DPYD: variants seen among roughly 807,000 people sequenced by gnomAD.
The protein encoded by DPYD is dihydropyrimidine dehydrogenase.
A neutral mutation model predicts 116.2 loss-of-function variants in DPYD; 109 were observed. The ratio of observed to expected loss-of-function variants is 0.94; its 90% confidence interval spans 0.80 to 1.10. The LOEUF is 1.10. DPYD is among the 50% of genes least tolerant of loss of function. The pLI, the probability that DPYD is intolerant of heterozygous loss-of-function variation, is 0.00. For synonymous variants in DPYD, 440 were observed against 432.0 expected (o/e 1.02, Z -0.23); for missense variants, 1,302 against 1,254.5 (o/e 1.04, Z -0.57).
At chr1:97,345,236 A>G (rs770423705) in intron 16 of DPYD, among the ~76,000 whole-genome samples, 18 of 151,886 alleles carry the variant, frequency 1.2e-4, no homozygotes, top group Non-Finnish European at 2.1e-4. Flanking sequence ...GTGCATTATC[A>G]TTTTAAAAAA....
At position 97,564,198 on chromosome 1, in the gene DPYD, T is replaced by C. The variant is rs1180710648; in HGVS notation, c.1339+9562A>G. 3.3e-5 allele frequency among the ~76,000 whole-genome samples: 5 copies of C among 152,178 alleles called. No individual in the cohort carries two copies. In the East Asian group the frequency reaches 5.8e-4, roughly 18 times the overall value. On this transcript the variant is annotated intron_variant, in intron 11 of 22. Transcript: ENST00000370192. ...CAACATGGCAGCACATGAGGAATCATGTGTGTTATTAAAAAGCGAACAGGT... is the reference window on the plus strand; with the variant it reads ...CAACATGGCAGCACATGAGGAATCACGTGTGTTATTAAAAAGCGAACAGGT...
chr1:97,100,267 G>A (rs1483578616), intron 20 of DPYD, among the ~76,000 whole-genome samples: 1 of 151,822 alleles, frequency 6.6e-6, no homozygotes, highest in African/African-American at 2.4e-5. Flanking sequence ...CTTTTTCTTG[G>A]GGCATATGAG....
intron 1 of DPYD, among the ~76,000 whole-genome samples, chr1:97,900,103 T>G (rs1410338118): frequency 6.6e-6 from 1 of 151,908 alleles, no homozygotes; most frequent in Non-Finnish European, 1.5e-5. Context: ...AGTGTGTATC[T>G]TTTAAGGAGT....
chr1:97,855,133 C>T (rs945368065), intron 2 of DPYD: 1 of 152,258 alleles, frequency 6.6e-6, no homozygotes, highest in Non-Finnish European at 1.5e-5. Flanking sequence ...CATTGCCAGG[C>T]ACTTGTTCGG....
chr1:97,509,678 T>C (rs1647628580), intron 13 of DPYD, among the ~76,000 whole-genome samples: 1 of 151,960 alleles, frequency 6.6e-6, no homozygotes, highest in South Asian at 2.1e-4. Flanking sequence ...CTATTCTTTA[T>C]ATTTGTTCTC....
chr1:97,418,442 A>G (rs1674400125), intron 14 of DPYD, among the ~76,000 whole-genome samples: 1 of 151,984 alleles, frequency 6.6e-6, no homozygotes, highest in South Asian at 2.1e-4. Flanking sequence ...CTAGGATTAC[A>G]GGTGCCTGCC....
At chr1:97,881,610 A>G (rs1280438294) in intron 2 of DPYD, among the ~76,000 whole-genome samples, 1 of 152,068 alleles carries the variant, frequency 6.6e-6, no homozygotes, top group African/African-American at 2.4e-5. Context: ...AATTTATAGG[A>G]TCACATTATG....
At chr1:97,244,828 G>A (rs1429079762) in intron 18 of DPYD, among the ~76,000 whole-genome samples, 1 of 151,986 alleles carries the variant, frequency 6.6e-6, no homozygotes, top group Non-Finnish European at 1.5e-5. Flanking sequence ...ACGCACAAAT[G>A]GTTTTACATC....
chr1:97,399,226 TTG>T (rs1673204290), intron 14 of DPYD, among the ~76,000 whole-genome samples: 1 of 152,232 alleles, frequency 6.6e-6, no homozygotes, highest in African/African-American at 2.4e-5. Context: ...TTGCTTGTTT[TTG>T]TCAGGTTTGT....
chr1:97,324,183 C>T (rs547494121), intron 16 of DPYD, among the ~76,000 whole-genome samples: 3 of 152,092 alleles, frequency 2.0e-5, no homozygotes, highest in Non-Finnish European at 4.4e-5. Flanking sequence ...CCTGCTGTTC[C>T]TGCCTTCTTT....
intron 20 of DPYD, among the ~76,000 whole-genome samples, chr1:97,134,483 G>A (rs12047910): frequency 0.12 from 18,641 of 152,070 alleles, 1,318 homozygotes; most frequent in East Asian, 0.23. Context: ...TTCCTCATAC[G>A]TGACAGGATG....
At chr1:97,147,595 C>T (rs1187210830) in intron 20 of DPYD, among the ~76,000 whole-genome samples, 2 of 152,234 alleles carry the variant, frequency 1.3e-5, no homozygotes, top group East Asian at 3.9e-4. Context: ...AAGAGTGGTC[C>T]TAAAAGCCTA....
At position 97,609,371 on chromosome 1, in the gene DPYD, A is replaced by G. The variant is rs554614862; in HGVS notation, c.851-14205T>C. Among the ~76,000 whole-genome samples the G allele has an allele frequency of 1.2e-4, 18 of 152,124 alleles. No individual in the cohort carries two copies. In the East Asian group the frequency reaches 3.5e-3, roughly 29 times the overall value. On this transcript the variant is annotated intron_variant, in intron 8 of 22. Transcript: ENST00000370192. ...TTTGTCAATGTATTCTACAGAAGAT[A>G]AAGAAAAAGAGAGAGAATCTAATTC...
chr1:97,751,448 GTGTGTGTGTGTGTATATATATATATA>G (rs1557933088), intron 3 of DPYD, among the ~76,000 whole-genome samples: 1 of 30,432 alleles, frequency 3.3e-5, no homozygotes, highest in African/African-American at 9.8e-5. Flanking sequence ...GTGTGTGTGT[GTGTGTGTGTGTGTATATATATATATA>G]TATATATATA....
chr1:97,656,966 A>ATTTTTTTTTTTTTTTTTTT (rs71590230), intron 8 of DPYD, among the ~76,000 whole-genome samples: 1 of 116,520 alleles, frequency 8.6e-6, no homozygotes. Flanking sequence ...GCATGATTGT[A>ATTTTTTTTTTTTTTTTTTT]TTTTTTTTTT....
intron 20 of DPYD, among the ~76,000 whole-genome samples, chr1:97,102,681 C>A (rs1013559240): frequency 1.3e-5 from 2 of 151,546 alleles, no homozygotes; most frequent in South Asian, 4.2e-4. Flanking sequence ...TATTGAATAT[C>A]CACTCTGGGC....
At chr1:97,596,996 A>G (rs997049521) in intron 8 of DPYD, among the ~76,000 whole-genome samples, 4 of 152,180 alleles carry the variant, frequency 2.6e-5, no homozygotes, top group African/African-American at 9.7e-5. Flanking sequence ...ATAAAAAGGT[A>G]TATTAGTAAC....
At chr1:97,324,154 T>C (rs1239800856) in intron 16 of DPYD, among the ~76,000 whole-genome samples, 1 of 151,942 alleles carries the variant, frequency 6.6e-6, no homozygotes, top group Non-Finnish European at 1.5e-5. Flanking sequence ...GCCTTTTCGT[T>C]TTTTGCCCAT....
chr1:97,777,698 A>G (rs1200613352), intron 3 of DPYD, among the ~76,000 whole-genome samples: 1 of 152,150 alleles, frequency 6.6e-6, no homozygotes, highest in African/African-American at 2.4e-5. Context: ...TTGGTAGGAA[A>G]TTTAAAAATG....
Sources: allele counts gnomAD v4.1 joint callset (sites outside exome capture counted in the v4.1 genomes callset), GRCh38; gene constraint gnomAD v4.1.1; transcripts MANE v1.5; gene names NCBI Gene and HGNC (gene_info 2026-07-23, HGNC 2026-07-21).